The following LSR variants were observed in gnomAD, a reference collection of about 807,000 sequenced individuals.
LSR encodes lipolysis-stimulated lipoprotein receptor.
Under a neutral mutation model 61.8 loss-of-function variants are expected in LSR, and 44 were observed. That is an observed-to-expected ratio of 0.71 (90% CI 0.56 to 0.91). The LOEUF (loss-of-function observed/expected upper bound fraction) is 0.91, where lower values mean the gene tolerates loss of function less well. LSR is among the 40% of genes least tolerant of loss of function. The pLI, the probability that LSR is intolerant of heterozygous loss-of-function variation, is 0.00. For missense variants in LSR, 911 were observed against 830.5 expected (o/e 1.10, Z -1.19); for synonymous variants, 397 against 350.6 (o/e 1.13, Z -1.48).
Position 35,266,687 on chromosome 19 carries a change from C to T in LSR, c.961C>T (p.Gln321Ter). 6.2e-7 allele frequency: 1 copy of T among 1,608,792 alleles called. No individual in the cohort carries two copies. Among genetic ancestry groups the T allele is most frequent in the Non-Finnish European group, 8.5e-7 (1 of 1,177,994 alleles). Residue 321 changes from glutamine to a stop codon, truncating the protein, a stop_gained, in exon 7 of 10, where the codon CAA (glutamine) becomes TAA (stop). Coordinates refer to ENST00000605618, the MANE Select transcript of LSR (RefSeq NM_205834.4). LOFTEE classifies it high-confidence loss of function. ...DVDRSSSAGG[Q>*]GSYVPLLRDT... is the part of the protein sequence containing the mutation. ...CAGCCACTCTCCCCCAGCTGGTGGC[C>T]AAGGCTCCTATGTACCCCTGCTTCG...
chr19:35,249,031 G>A lies in LSR; in HGVS notation c.9G>A (p.Leu3=), dbSNP rs761026649. The change falls in exon 1 of 10, where the codon CTG becomes CTA. Residue 3 remains leucine, a synonymous_variant. Transcript: ENST00000605618. Reference sequence around the variant, plus strand: ...GCGCCCAGACGGCCGCGATGGCGCTGTTGGCCGGCGGGCTCTCCAGAGGGC... The same window carrying A: ...GCGCCCAGACGGCCGCGATGGCGCTATTGGCCGGCGGGCTCTCCAGAGGGC... MA[L]LAGGLSRGLG... The A allele has an allele frequency of 6.3e-7, 1 of 1,599,748 alleles. No homozygotes were observed. The highest frequency in any genetic ancestry group is 1.3e-5 in the African/African-American group (1 of 74,554).
At chr19:35,265,666 G>C (rs1246808812) in intron 5 of LSR, among the ~76,000 whole-genome samples, 2 of 152,180 alleles carry the variant, frequency 1.3e-5, no homozygotes, top group African/African-American at 2.4e-5. Context: ...ATCTTACCTT[G>C]AACTGTCAAG....
chr19:35,250,515 C>T lies in LSR; in HGVS notation c.310C>T (p.Gln104Ter). Reference protein sequence around the residue: ...PASVDNQLNAQLAAGNPGYNP... With the variant: ...PASVDNQLNA ...CAGCGTCGACAACCAGCTCAATGCCCAGCTGGCAGCCGGGAACCCAGGCTA... is the reference window on the plus strand; with the variant it reads ...CAGCGTCGACAACCAGCTCAATGCCTAGCTGGCAGCCGGGAACCCAGGCTA... The change falls in exon 2 of 10, where the codon CAG (glutamine) becomes TAG (stop). Residue 104 changes from glutamine to a stop codon, truncating the protein, a stop_gained. Coordinates refer to ENST00000605618, the MANE Select transcript of LSR (RefSeq NM_205834.4). LOFTEE classifies it high-confidence loss of function. The T allele has an allele frequency of 1.2e-6, 2 of 1,614,168 alleles. No individual in the cohort carries two copies.
intron 5 of LSR, among the ~76,000 whole-genome samples, chr19:35,263,366 T>A (rs972056452): frequency 1.5e-4 from 23 of 151,336 alleles, no homozygotes; most frequent in East Asian, 3.9e-4. Flanking sequence ...GCAAAAAAAA[T>A]TTTTTTTGTT....
In LSR at chr19:35,261,973, C is replaced by G; in HGVS notation, c.623C>G (p.Pro208Arg). Reference sequence around the variant, plus strand: ...CTCTTACCTGGTTTTCAGGCGGGGCCCATAGAAGGTACGGGGGGTGGATCC... The same window carrying G: ...CTCTTACCTGGTTTTCAGGCGGGGCGCATAGAAGGTACGGGGGGTGGATCC... ...AELLPGFQAG[P>R]IEDWLFVVVV... The change falls in exon 4 of 10, where the codon CCC becomes CGC. Residue 208 changes from proline (P) to arginine (R), a missense_variant. By Grantham distance (103) the Pro-to-Arg change is moderately radical. Coordinates refer to ENST00000605618, the MANE Select transcript of LSR (RefSeq NM_205834.4). 6.6e-7 allele frequency: 1 copy of G among 1,508,614 alleles called. No individual in the cohort carries two copies. The allele number at this position is 1,508,614 out of a possible 1,614,324, so 93.5% of individuals were successfully genotyped here.
At chr19:35,255,399 T>C (rs2065843961) in intron 2 of LSR, among the ~76,000 whole-genome samples, 1 of 151,974 alleles carries the variant, frequency 6.6e-6, no homozygotes, top group Non-Finnish European at 1.5e-5. Flanking sequence ...AGTTTGGAAT[T>C]CTATGAGGAT....
intron 3 of LSR, 59 bp downstream of exon 3, chr19:35,259,123 C>G: frequency 6.4e-7 from 1 of 1,571,012 alleles, no homozygotes. Flanking sequence ...TCTGTTCTGT[C>G]TGCCCTCCCC....
intron 3 of LSR, 27 bp downstream of exon 3, chr19:35,259,091 A>G (rs1374041870): frequency 3.1e-6 from 5 of 1,605,318 alleles, no homozygotes; most frequent in African/African-American, 2.7e-5. Context: ...AGGGGGAGGC[A>G]TGGCCCTTCC....
rs1019928828 is a variant in LSR at position 35,266,670 on chromosome 19, C to T, written c.953-9C>T. The T allele has an allele frequency of 1.2e-6, 2 of 1,606,050 alleles. No homozygotes were observed. Among genetic ancestry groups the T allele is most frequent in the Non-Finnish European group, 1.7e-6 (2 of 1,176,846 alleles). On this transcript the variant is annotated splice_polypyrimidine_tract_variant and intron_variant, in intron 6 of 9. Coordinates refer to ENST00000605618, the MANE Select transcript of LSR (RefSeq NM_205834.4). The stretch of plus-strand genomic sequence containing the variant: ...TGGTGCGCGGCCACTGACAGCCACT[C>T]TCCCCCAGCTGGTGGCCAAGGCTCC...
chr19:35,254,132 T>C (rs1397879866), intron 2 of LSR, among the ~76,000 whole-genome samples: 1 of 152,192 alleles, frequency 6.6e-6, no homozygotes, highest in Non-Finnish European at 1.5e-5. Context: ...TTTTTTCTGT[T>C]GCCCAGGCTG....
chr19:35,267,018 A>AT (rs776054947), intron 8 of LSR, 51 bp downstream of exon 8: 1 of 1,577,678 alleles, frequency 6.3e-7, no homozygotes, highest in East Asian at 2.2e-5. Context: ...GGGGTGAAAC[A>AT]TGTCTCCCTG....
chr19:35,257,175 G>A (rs774875063), intron 2 of LSR, among the ~76,000 whole-genome samples: 1 of 152,158 alleles, frequency 6.6e-6, no homozygotes, highest in Non-Finnish European at 1.5e-5. Flanking sequence ...CAGGTATTGT[G>A]TCAGGCACTG....
At chr19:35,252,817 A>C (rs919914164) in intron 2 of LSR, among the ~76,000 whole-genome samples, 2 of 152,076 alleles carry the variant, frequency 1.3e-5, no homozygotes, top group Non-Finnish European at 2.9e-5. Context: ...GTTTGAGACC[A>C]GCCTGGACAA....
intron 2 of LSR, among the ~76,000 whole-genome samples, chr19:35,252,628 G>A (rs946009844): frequency 4.5e-5 from 6 of 134,242 alleles, no homozygotes; most frequent in Non-Finnish European, 6.2e-5. Flanking sequence ...CAGTCTGGGC[G>A]ACAGAGTGAG....
chr19:35,257,399 G>A (rs527943538), intron 2 of LSR, among the ~76,000 whole-genome samples: 2 of 152,292 alleles, frequency 1.3e-5, no homozygotes, highest in East Asian at 1.9e-4. Context: ...AGACCACGTC[G>A]TGCCAAGGGC....
chr19:35,266,608 GAAGA>G (rs757429549), intron 6 of LSR, 67 bp from the exon 7 acceptor site: 1 of 1,601,956 alleles, frequency 6.2e-7, no homozygotes, highest in Non-Finnish European at 8.5e-7. Flanking sequence ...GGGCTGGAAG[GAAGA>G]GTGTCTTGGG....
Position 35,267,523 on chromosome 19 carries a change from A to G in LSR, c.1559A>G (p.His520Arg). The G allele has an allele frequency of 2.5e-6, 4 of 1,611,822 alleles. No homozygotes were observed. Among genetic ancestry groups the G allele is most frequent in the Non-Finnish European group, 3.4e-6 (4 of 1,179,728 alleles). The change falls in exon 9 of 10, where the codon CAC becomes CGC. Residue 520 changes from histidine (H) to arginine (R), a missense_variant. Physicochemically the swap from His to Arg is conservative, Grantham distance 29. Transcript: ENST00000605618. ...CCTCCTGCCGACCCCAGGTCCCACCACCACCGTACCCGGGACCCTCGGGAC... is the reference window on the plus strand; with the variant it reads ...CCTCCTGCCGACCCCAGGTCCCACCGCCACCGTACCCGGGACCCTCGGGAC... ...ERPPADPRSH[H>R]HRTRDPRDNG...
intron 1 of LSR, 60 bp downstream of exon 1, chr19:35,249,191 G>A (rs934298135): frequency 1.3e-6 from 2 of 1,495,200 alleles, no homozygotes; most frequent in East Asian, 2.5e-5. Flanking sequence ...GAGGGGGATG[G>A]ATGGAGTTGG....
intron 1 of LSR, among the ~76,000 whole-genome samples, chr19:35,249,666 G>T (rs1180814177): frequency 6.6e-6 from 1 of 152,172 alleles, no homozygotes; most frequent in Non-Finnish European, 1.5e-5. Flanking sequence ...TGGTGGGATG[G>T]ATTTACGGAC....
Sources: allele counts gnomAD v4.1 joint callset (sites outside exome capture counted in the v4.1 genomes callset), GRCh38; gene constraint gnomAD v4.1.1; transcripts MANE v1.5; gene names NCBI Gene and HGNC (gene_info 2026-07-23, HGNC 2026-07-21).